CFAP46: variants seen among roughly 807,000 people sequenced by gnomAD.
CFAP46 encodes the protein cilia- and flagella-associated protein 46.
Under a neutral mutation model 325.7 loss-of-function variants are expected in CFAP46, and 245 were observed. That is an observed-to-expected ratio of 0.75 (90% CI 0.68 to 0.84). The LOEUF (loss-of-function observed/expected upper bound fraction) is 0.84. CFAP46 is among the 40% of genes least tolerant of loss of function. The pLI is 0.00. For missense variants in CFAP46, 3,346 were observed against 3,543.0 expected, an observed-to-expected ratio of 0.94 and a Z score of 1.41; for synonymous variants, 1,523 against 1,495.9, an observed-to-expected ratio of 1.02 and a Z score of -0.42.
Position 132,879,624 on chromosome 10 carries a change from G to A in CFAP46, c.3807C>T (p.Tyr1269=), listed in dbSNP as rs1223254205. The change falls in exon 29 of 58, where the codon TAC becomes TAT. Residue 1269 remains tyrosine (Y), a synonymous_variant. Coordinates refer to ENST00000368586, the MANE Select transcript of CFAP46 (RefSeq NM_001200049.3). ...TCCGTGGGGGCATCTCCACAGCCAC[G>A]TACTCCCCTGAAACACGGGGTGCCC... is the stretch of plus-strand genomic sequence containing the variant. ...PEPQPTPDGE[Y]VAVEMPPRSP... is the part of the protein sequence containing the mutation. 29 of 1,527,454 alleles carry A rather than the reference G, an allele frequency of 1.9e-5. No homozygotes were observed. Among genetic ancestry groups the A allele is most frequent in the South Asian group, 5.0e-5 (4 of 80,614 alleles). 94.6% of individuals were successfully genotyped at this position (1,527,454 alleles called of 1,614,324 possible).
At position 132,938,762 on chromosome 10, in the gene CFAP46, C is replaced by T. The variant is rs554379348; in HGVS notation, c.372-9G>A. The T allele has an allele frequency of 5.0e-5, 80 of 1,609,114 alleles. 1 individual carries two copies. The South Asian group carries it at 6.7e-4, about 14-fold the overall frequency. Reference sequence around the variant, plus strand: ...ACACCAAAAAGTAGTACCTGCGGCGCGAGCAGAGGAAGCAGAGAGCACGCT... The same window carrying T: ...ACACCAAAAAGTAGTACCTGCGGCGTGAGCAGAGGAAGCAGAGAGCACGCT... On this transcript the variant is annotated splice_polypyrimidine_tract_variant and intron_variant, in intron 4 of 57. Coordinates refer to ENST00000368586, the MANE Select transcript of CFAP46 (RefSeq NM_001200049.3).
intron 5 of CFAP46, among the ~76,000 whole-genome samples, chr10:132,938,377 T>C (rs1217905665): frequency 6.6e-6 from 1 of 152,198 alleles, no homozygotes; most frequent in African/African-American, 2.4e-5. Context: ...TGTCATAACC[T>C]CATAACCAGG....
At chr10:132,866,209 C>G (rs1431747233) in intron 34 of CFAP46, 38 bp from the exon 35 acceptor site, 1 of 1,460,606 alleles carries the variant, frequency 6.8e-7, no homozygotes, top group Admixed American at 2.4e-5. Context: ...ACGATCCTGA[C>G]ACTTGTGACC....
chr10:132,863,029 C>G (rs1030388380), intron 35 of CFAP46, among the ~76,000 whole-genome samples: 2 of 152,284 alleles, frequency 1.3e-5, no homozygotes, highest in East Asian at 1.9e-4. Flanking sequence ...AACAAAGTCC[C>G]TGCAAAACAG....
chr10:132,833,452 T>C lies in CFAP46; in HGVS notation c.7023A>G (p.Glu2341=). Residue 2341 remains glutamate, a synonymous_variant, in exon 50 of 58, where the codon GAA becomes GAG. Coordinates refer to ENST00000368586, the MANE Select transcript of CFAP46 (RefSeq NM_001200049.3). ...ADRHLLELPL[E]GLSVFDEGTI... ...TCCCTTCATCGAACACAGAGAGACC[T>C]TCCAGTGGCAGCTCCAGGAGATGTC... 6.2e-7 allele frequency: 1 copy of C among 1,614,188 alleles called. No individual in the cohort carries two copies. The highest frequency in any genetic ancestry group is 8.5e-7 in the Non-Finnish European group (1 of 1,180,026).
intron 44 of CFAP46, among the ~76,000 whole-genome samples, chr10:132,843,622 CGG>C (rs1848382211): frequency 1.3e-5 from 1 of 76,806 alleles, no homozygotes; most frequent in African/African-American, 3.8e-5. Flanking sequence ...GCTCTGGTCT[CGG>C]TGAGTGTTCC....
rs886983375 is a variant in CFAP46, at chr10:132,832,180, C to T, written c.7117+1178G>A. 3.3e-5 allele frequency among the ~76,000 whole-genome samples: 5 copies of T among 151,968 alleles called. No homozygotes were observed. Among genetic ancestry groups the T allele is most frequent in the African/African-American group, 1.2e-4 (5 of 41,342 alleles). Reference sequence around the variant, plus strand: ...AATAAAGGCGTTTTAAGTATTTATCCGTGTTTTCACTATTTTCAGAGCTGT... The same window carrying T: ...AATAAAGGCGTTTTAAGTATTTATCTGTGTTTTCACTATTTTCAGAGCTGT... On this transcript the variant is annotated intron_variant, in intron 50 of 57. Transcript: ENST00000368586. The surrounding 1 kb of genome is among the most constrained non-coding windows in gnomAD (Gnocchi z 4.1).
At position 132,941,016 on chromosome 10, in the gene CFAP46, G is replaced by A. The variant is rs77612752; in HGVS notation, c.351C>T (p.Asn117=). ...NCVTEYMKAI[N]FAKGEPRYYF... ...CCTACCTCGGTTCTCCTTTGGCAAA[G>A]TTTATGGCCTTCATGTACTCAGTCA... The change falls in exon 4 of 58, where the codon AAC becomes AAT. Residue 117 remains asparagine (N), a synonymous_variant. Coordinates refer to ENST00000368586, the MANE Select transcript of CFAP46 (RefSeq NM_001200049.3). 8.7e-5 allele frequency: 140 copies of A among 1,614,192 alleles called. No individual in the cohort carries two copies. In the East Asian group the frequency reaches 3.1e-3, roughly 36 times the overall value.
intron 8 of CFAP46, among the ~76,000 whole-genome samples, chr10:132,933,326 G>C (rs1238363262): frequency 3.9e-5 from 6 of 152,240 alleles, no homozygotes; most frequent in African/African-American, 1.4e-4. Flanking sequence ...AGGTCGGGAA[G>C]AGAGAATCCG....
intron 54 of CFAP46, among the ~76,000 whole-genome samples, chr10:132,813,380 C>A (rs1295521762): frequency 6.9e-6 from 1 of 144,996 alleles, no homozygotes; most frequent in African/African-American, 2.6e-5. Context: ...CCCTGCAGCC[C>A]CACCTCTGCA....
chr10:132,898,882 G>A (rs1349126274), intron 24 of CFAP46, 77 bp downstream of exon 24: 1 of 1,509,190 alleles, frequency 6.6e-7, no homozygotes, highest in Admixed American at 2.0e-5. Context: ...CTTTCTTTGG[G>A]AGTCTCTCCG....
chr10:132,896,549 C>T (rs530285023), intron 24 of CFAP46, among the ~76,000 whole-genome samples: 1 of 152,296 alleles, frequency 6.6e-6, no homozygotes, highest in South Asian at 2.1e-4. Context: ...GAAAGACTTA[C>T]ATGCTAAAAA....
intron 44 of CFAP46, among the ~76,000 whole-genome samples, chr10:132,841,748 A>G (rs528679024): frequency 1.3e-5 from 2 of 152,220 alleles, no homozygotes; most frequent in East Asian, 3.9e-4. Context: ...GTCTATCTGC[A>G]CCAGAGCTGC....
chr10:132,942,101 G>A lies in CFAP46; in HGVS notation c.53C>T (p.Ala18Val), dbSNP rs2135760834. The part of the protein sequence containing the change: ...ELARAESQQD[A>V]ASLKKAYELI... ...CTCGTAGGCCTTCTTCAAGGACGCA[G>A]CATCTGTCCCAAACGGGTGGTTGAG... Residue 18 changes from alanine to valine, a missense_variant, in exon 2 of 58, where the codon GCT (alanine) becomes GTT (valine). Ala to Val is a moderately conservative substitution (Grantham distance 64). Transcript: ENST00000368586. 1 of 1,551,668 alleles carries A rather than the reference G, an allele frequency of 6.4e-7. No homozygotes were observed. Among genetic ancestry groups the A allele is most frequent in the South Asian group, 1.2e-5 (1 of 84,056 alleles).
intron 33 of CFAP46, 108 bp from the exon 34 acceptor site, chr10:132,867,615 A>C: frequency 1.5e-6 from 2 of 1,354,382 alleles, no homozygotes; most frequent in Non-Finnish European, 2.0e-6. Flanking sequence ...TACATTCTTC[A>C]CGCGCGTGTT....
intron 4 of CFAP46, 91 bp from the exon 5 acceptor site, chr10:132,938,844 C>T: frequency 7.6e-7 from 1 of 1,312,020 alleles, no homozygotes; most frequent in South Asian, 1.4e-5. Context: ...TCCGGAGCCC[C>T]TCCCAGGAGG....
chr10:132,834,127 A>T lies in CFAP46; in HGVS notation c.6867-4T>A. The T allele has an allele frequency of 1.9e-6, 3 of 1,613,884 alleles. No individual in the cohort carries two copies. The highest frequency in any genetic ancestry group is 2.5e-6 in the Non-Finnish European group (3 of 1,179,852). The stretch of plus-strand genomic sequence containing the variant: ...AACAACCGCAGGTGTCTGCACTCTG[A>T]AAGTCAGGTTATATATTCGGGTTTA... On this transcript the variant is annotated splice_region_variant and splice_polypyrimidine_tract_variant and intron_variant, in intron 48 of 57. Transcript: ENST00000368586.
intron 24 of CFAP46, among the ~76,000 whole-genome samples, chr10:132,894,110 A>G (rs1308013096): frequency 6.6e-6 from 1 of 151,906 alleles, no homozygotes; most frequent in Non-Finnish European, 1.5e-5. Flanking sequence ...CCCCCTGTGG[A>G]TTTGCCGCTG....
chr10:132,857,565 C>T (rs1386153609), intron 39 of CFAP46, 25 bp downstream of exon 39: 12 of 1,605,876 alleles, frequency 7.5e-6, no homozygotes, highest in African/African-American at 6.7e-5. Flanking sequence ...ACCCAGTGTG[C>T]ACAGGAACCA....
Sources: gnomAD v4.1 joint callset for allele counts (sites outside exome capture counted in the v4.1 genomes callset) on GRCh38, gnomAD v4.1.1 for gene constraint, Gnocchi (gnomAD v3.1) non-coding constraint, MANE v1.5 for transcripts, NCBI Gene and HGNC (gene_info 2026-07-23, HGNC 2026-07-21) for gene names.